NAV3: variants seen among roughly 807,000 people sequenced by gnomAD.
The protein encoded by NAV3 is neuron navigator 3, also known as pore membrane and/or filament interacting like protein 1.
A neutral mutation model predicts 244.7 loss-of-function variants in NAV3; 87 were observed. That is an observed-to-expected ratio of 0.36 (90% CI 0.30 to 0.42). The LOEUF (loss-of-function observed/expected upper bound fraction) is 0.42. Ranked by LOEUF, NAV3 falls within the 20% of genes least tolerant of loss-of-function variation. The probability of loss-of-function intolerance (pLI) is 1.00; values close to 1 mark genes in which losing one functional copy is unlikely to be tolerated. For synonymous variants in NAV3, 1,126 were observed against 1,042.2 expected, an observed-to-expected ratio of 1.08 and a Z score of -1.55; for missense variants, 2,663 against 2,893.3, an observed-to-expected ratio of 0.92 and a Z score of 1.83.
chr12:77,987,861 A>G (rs572933372), intron 5 of NAV3, among the ~76,000 whole-genome samples: 1 of 152,290 alleles, frequency 6.6e-6, no homozygotes, highest in Admixed American at 6.5e-5. Context: ...AGTCGATTAT[A>G]TCTGGGATTA....
intron 12 of NAV3, among the ~76,000 whole-genome samples, chr12:78,074,361 G>C (rs1194728578): frequency 6.6e-6 from 1 of 152,194 alleles, no homozygotes; most frequent in East Asian, 1.9e-4. Context: ...TTTGAGGAGA[G>C]TTTACAGAAA....
At chr12:77,863,397 G>T (rs1879540231) in intron 1 of NAV3, among the ~76,000 whole-genome samples, 1 of 151,568 alleles carries the variant, frequency 6.6e-6, no homozygotes, top group African/African-American at 2.4e-5. Flanking sequence ...GATATTTTTG[G>T]TCACTTAGTA....
chr12:77,955,294 C>T (rs1457866815), intron 3 of NAV3, among the ~76,000 whole-genome samples: 3 of 152,098 alleles, frequency 2.0e-5, no homozygotes, highest in Non-Finnish European at 4.4e-5. Flanking sequence ...ACATATAGCT[C>T]CTTCCCGCGT....
intron 1 of NAV3, among the ~76,000 whole-genome samples, chr12:77,901,336 C>T (rs1374145491): frequency 6.6e-6 from 1 of 152,142 alleles, no homozygotes; most frequent in Non-Finnish European, 1.5e-5. Context: ...AAATTTTCTT[C>T]TAGGATTCTT....
At chr12:77,934,335 G>C (rs933141207) in intron 1 of NAV3, among the ~76,000 whole-genome samples, 1 of 152,008 alleles carries the variant, frequency 6.6e-6, no homozygotes, top group African/African-American at 2.4e-5. Flanking sequence ...CATCCTTCCT[G>C]TCCTGATTTC....
intron 2 of NAV3, among the ~76,000 whole-genome samples, chr12:77,802,697 C>T (rs1871772987): frequency 6.6e-6 from 1 of 152,034 alleles, no homozygotes; most frequent in Non-Finnish European, 1.5e-5. Flanking sequence ...GATGGAGTCT[C>T]TGTTGCCCAG....
chr12:77,919,536 TC>T (rs1887500413), intron 1 of NAV3, among the ~76,000 whole-genome samples: 1 of 152,098 alleles, frequency 6.6e-6, no homozygotes, highest in South Asian at 2.1e-4. Context: ...TTGGTATTTA[TC>T]TACTTCTTAA....
At chr12:77,825,836 CAGTA>C (rs1247388233) in intron 2 of NAV3, among the ~76,000 whole-genome samples, 2 of 151,976 alleles carry the variant, frequency 1.3e-5, no homozygotes, top group Admixed American at 1.3e-4. Flanking sequence ...TGATAAAACT[CAGTA>C]ATAATGAGAC....
chr12:78,189,758 A>G (rs1958892423), intron 33 of NAV3, among the ~76,000 whole-genome samples: 1 of 151,910 alleles, frequency 6.6e-6, no homozygotes, highest in South Asian at 2.1e-4. Flanking sequence ...AAGCCTGAAG[A>G]AAAAGAAACA....
At chr12:77,782,230 T>A (rs1176769535) in intron 2 of NAV3, among the ~76,000 whole-genome samples, 2 of 151,970 alleles carry the variant, frequency 1.3e-5, no homozygotes, top group African/African-American at 4.8e-5. Flanking sequence ...AGATTCCTCA[T>A]GAAATTCCTC....
At chr12:78,019,095 A>G (rs1161915194) in intron 8 of NAV3, among the ~76,000 whole-genome samples, 1 of 152,136 alleles carries the variant, frequency 6.6e-6, no homozygotes, top group Non-Finnish European at 1.5e-5. Context: ...TCCTTTTGTA[A>G]TAACAGTTGA....
Position 78,145,961 on chromosome 12 carries a change from A to G in NAV3, c.4684-408A>G, listed in dbSNP as rs187278126. On this transcript the variant is annotated intron_variant, in intron 20 of 39. Transcript: ENST00000397909. The stretch of plus-strand genomic sequence containing the variant: ...ATCTAAACCTTGGCTAGAGGTCTCT[A>G]TAATTTTATGGAGTCTGTTTCCTAC... Among the ~76,000 whole-genome samples, 82 of 152,258 alleles carry G rather than the reference A, an allele frequency of 5.4e-4. 1 individual carries two copies. The highest frequency in any genetic ancestry group is 1.9e-3 in the African/African-American group (77 of 41,586).
At chr12:77,732,066 A>T (rs1277879248) in intron 2 of NAV3, among the ~76,000 whole-genome samples, 1 of 152,002 alleles carries the variant, frequency 6.6e-6, no homozygotes, top group African/African-American at 2.4e-5. Context: ...AACTTACAAG[A>T]TAAAACATGT....
intron 2 of NAV3, among the ~76,000 whole-genome samples, chr12:77,582,214 C>G (rs2859861): frequency 2.6e-4 from 39 of 152,318 alleles, no homozygotes; most frequent in Middle Eastern, 3.4e-3. Flanking sequence ...TTAATAACAT[C>G]TAATTTACTA....
Position 78,052,879 on chromosome 12 carries a change from A to G in NAV3, c.2516+1732A>G, listed in dbSNP as rs931090447. 8.5e-5 allele frequency among the ~76,000 whole-genome samples: 13 copies of G among 152,120 alleles called. No individual in the cohort carries two copies. In the East Asian group the frequency reaches 2.5e-3, roughly 29 times the overall value. On this transcript the variant is annotated intron_variant, in intron 11 of 39. Coordinates refer to ENST00000397909, the MANE Select transcript of NAV3 (RefSeq NM_001024383.2). ...ATAATCACTATTCAAATATATTTAT[A>G]TGGCTAATTATATACATAAGTATAC... is the stretch of plus-strand genomic sequence containing the variant.
intron 2 of NAV3, among the ~76,000 whole-genome samples, chr12:77,605,171 A>T (rs1413706442): frequency 6.6e-6 from 1 of 152,142 alleles, no homozygotes. Context: ...AAATAAAATC[A>T]TGCCTTGCAA....
Position 77,801,340 on chromosome 12 carries a change from C to T in NAV3, c.73-138979C>T, listed in dbSNP as rs535414946. On this transcript the variant is annotated intron_variant, in intron 2 of 8. Coordinates refer to the NAV3 transcript ENST00000550042. ...AACTGACAGTAGTTTTAGGTATGTG[C>T]TGGGTTTAAAAAATAATTATTACAT... Among the ~76,000 whole-genome samples, 163 of 152,130 alleles carry T rather than the reference C, an allele frequency of 1.1e-3. 4 individuals are homozygous for T. The South Asian group carries it at 0.033, about 31-fold the overall frequency.
At chr12:78,134,111 T>C (rs1956277143) in intron 18 of NAV3, among the ~76,000 whole-genome samples, 1 of 152,234 alleles carries the variant, frequency 6.6e-6, no homozygotes, top group Admixed American at 6.5e-5. Flanking sequence ...TGGATCCTTT[T>C]GCATATGGTG....
At chr12:78,193,502 A>C (rs894526878) in intron 34 of NAV3, among the ~76,000 whole-genome samples, 2 of 152,070 alleles carry the variant, frequency 1.3e-5, no homozygotes. Flanking sequence ...GTGGTGTTCC[A>C]CCTGTAGTTT....
Sources: allele counts gnomAD v4.1 joint callset (sites outside exome capture counted in the v4.1 genomes callset), GRCh38; gene constraint gnomAD v4.1.1; transcripts MANE v1.5; gene names NCBI Gene and HGNC (gene_info 2026-07-23, HGNC 2026-07-21).